The following FHDC1 variants were observed in gnomAD, a reference collection of about 807,000 sequenced individuals.
The protein encoded by FHDC1 is FH2 domain-containing protein 1.
FHDC1 carries 25 observed loss-of-function variants against 52.6 expected under a neutral mutation model. The ratio of observed to expected loss-of-function variants is 0.48; its 90% CI spans 0.35 to 0.66. The LOEUF (loss-of-function observed/expected upper bound fraction) is 0.66. Ranked by LOEUF, FHDC1 falls within the 30% of genes least tolerant of loss-of-function variation. The pLI is 0.01. For missense variants in FHDC1, 1,459 were observed against 1,452.8 expected (o/e 1.00, Z -0.07); for synonymous variants, 616 against 581.5 (o/e 1.06, Z -0.85).
chr4:152,924,659 A>G, the FHDC1 span, among the ~76,000 whole-genome samples: 1 of 152,268 alleles, frequency 6.6e-6, no homozygotes, highest in East Asian at 1.9e-4. Flanking sequence ...GCACATATAC[A>G]CCATGGAATA....
intron 2 of FHDC1, among the ~76,000 whole-genome samples, chr4:152,949,112 T>TAAGAAGAAGAAGAAG (rs1301987979): frequency 1.4e-4 from 11 of 79,974 alleles, no homozygotes; most frequent in Non-Finnish European, 1.7e-4. Flanking sequence ...ATAATAATAA[T>TAAGAAGAAGAAGAAG]AATAATAATA....
chr4:152,919,936 G>A, the FHDC1 span, among the ~76,000 whole-genome samples: 1 of 146,990 alleles, frequency 6.8e-6, no homozygotes, highest in Non-Finnish European at 1.5e-5. Flanking sequence ...AATTCTGGTA[G>A]GGAAGTTCTT....
At chr4:152,944,160 T>G (rs553592476) in intron 2 of FHDC1, among the ~76,000 whole-genome samples, 71 of 152,244 alleles carry the variant, frequency 4.7e-4, no homozygotes, top group African/African-American at 1.6e-3. Context: ...AGGAAGGATG[T>G]TTCTAGTTAA....
intron 6 of FHDC1, among the ~76,000 whole-genome samples, chr4:152,962,311 G>T (rs1740303473): frequency 6.6e-6 from 1 of 152,134 alleles, no homozygotes; most frequent in Non-Finnish European, 1.5e-5. Flanking sequence ...TTTGTGCTTT[G>T]CAAGTTATTT....
chr4:152,931,327 A>AC (rs1342055531), upstream of FHDC1, among the ~76,000 whole-genome samples: 4 of 152,072 alleles, frequency 2.6e-5, no homozygotes, highest in African/African-American at 9.7e-5. Context: ...ACAAACACCA[A>AC]CCAGTTTTCT....
chr4:152,940,485 C>T (rs1425173258), intron 1 of FHDC1, among the ~76,000 whole-genome samples: 1 of 152,346 alleles, frequency 6.6e-6, no homozygotes, highest in South Asian at 2.1e-4. Flanking sequence ...AAGCACAGTA[C>T]TAAAACACGC....
the FHDC1 span, among the ~76,000 whole-genome samples, chr4:152,912,742 GCT>G: frequency 6.6e-6 from 1 of 152,138 alleles, no homozygotes; most frequent in Non-Finnish European, 1.5e-5. Flanking sequence ...AAAATGGCTG[GCT>G]TTTCTGTCAT....
rs148486863 is a variant in FHDC1 at position 152,943,251 on chromosome 4, C to T, written c.194C>T (p.Pro65Leu). 1 of 1,607,940 alleles carries T rather than the reference C, an allele frequency of 6.2e-7. No individual in the cohort carries two copies. Among genetic ancestry groups the T allele is most frequent in the African/African-American group, 1.3e-5 (1 of 74,534 alleles). ...TCCCCTCCTCCACCCCCACCACCTC[C>T]ACTTCCTGGGGAGCCTCCCATCCCA... ...PSSPPPPPPP[P>L]LPGEPPIPPP... Residue 65 changes from proline (P) to leucine (L), a missense_variant, in exon 2 of 12, where the codon CCA becomes CTA. By Grantham distance (98) the Pro-to-Leu change is moderately conservative (BLOSUM62 -3). Coordinates refer to ENST00000511601, the MANE Select transcript of FHDC1 (RefSeq NM_001371116.1).
intron 6 of FHDC1, 47 bp downstream of exon 6, chr4:152,960,891 G>T (rs775916311): frequency 1.4e-6 from 2 of 1,411,346 alleles, no homozygotes; most frequent in Non-Finnish European, 1.9e-6. Context: ...TATTAATTTC[G>T]ATAGCAGTTT....
intron 2 of FHDC1, among the ~76,000 whole-genome samples, chr4:152,947,504 C>T (rs1272320130): frequency 6.6e-6 from 1 of 152,176 alleles, no homozygotes; most frequent in Non-Finnish European, 1.5e-5. Context: ...CCCCTGGGAG[C>T]CTTCCACCAG....
At position 152,943,301 on chromosome 4, in the gene FHDC1, A is replaced by G. The variant is rs144176564; in HGVS notation, c.244A>G (p.Thr82Ala). The change falls in exon 2 of 12, where the codon ACT (threonine) becomes GCT (alanine). Residue 82 changes from threonine (T) to alanine (A), a missense_variant. Physicochemically the swap from Thr to Ala is moderately conservative, Grantham distance 58. Around this residue, in one of 3 missense-constraint regions of FHDC1, gnomAD observed 513 missense variants for 581.5 expected, o/e 0.88. Transcript: ENST00000511601. ...IPPPPPGLPP[T>A]THMNGYSHLG... ...ACCTCCCCCACCAGGCCTACCCCCAACTACTCACATGAACGGCTACAGCCA... is the reference window on the plus strand; with the variant it reads ...ACCTCCCCCACCAGGCCTACCCCCAGCTACTCACATGAACGGCTACAGCCA... The G allele has an allele frequency of 2.6e-4, 348 of 1,339,414 alleles. 1 individual carries two copies. In the African/African-American group the frequency reaches 4.6e-3, roughly 18 times the overall value. The allele number at this position is 1,339,414 out of a possible 1,614,324, so 83.0% of individuals were successfully genotyped here.
In FHDC1 at chr4:152,967,943, T is replaced by C. The variant is rs79816029; in HGVS notation, c.1101-37T>C. ...TATACCTACATGACACATGGCTTCC[T>C]TGTTCCAACTGCCCACTCTCCCCTT... On this transcript the variant is annotated intron_variant, in intron 9 of 11. Transcript: ENST00000511601. The C allele has an allele frequency of 0.012, 17,485 of 1,518,866 alleles. 1,026 individuals are homozygous for C. In the East Asian group the frequency reaches 0.19, roughly 17 times the overall value. The allele number at this position is 1,518,866 out of a possible 1,614,324, so 94.1% of individuals were successfully genotyped here. A position where few individuals can be genotyped will look rare whatever the true frequency, so the allele number is the denominator to read the frequency against.
rs749272268 is a variant in FHDC1, at chr4:152,968,083, G to A, written c.1204G>A (p.Glu402Lys). ...QRDGELCQQM[E>K]DFLQFAIEKL... ...GGATGGTGAACTTTGTCAGCAGATG[G>A]AAGATTTTCTTCAGGTTTGTAGGTG... Residue 402 changes from glutamate (E) to lysine (K), a missense_variant, in exon 10 of 12, where the codon GAA becomes AAA. Coordinates refer to ENST00000511601, the MANE Select transcript of FHDC1 (RefSeq NM_001371116.1). The A allele has an allele frequency of 6.8e-6, 11 of 1,613,150 alleles. No homozygotes were observed. Among genetic ancestry groups the A allele is most frequent in the Middle Eastern group, 1.6e-4 (1 of 6,082 alleles).
intron 10 of FHDC1, among the ~76,000 whole-genome samples, chr4:152,971,665 G>A (rs879783094): frequency 2.6e-5 from 4 of 152,220 alleles, no homozygotes; most frequent in African/African-American, 7.2e-5. Flanking sequence ...CAAAGAGGGT[G>A]GTTTTGTAAA....
At chr4:152,972,292 T>C in intron 10 of FHDC1, 85 bp from the exon 11 acceptor site, 1 of 1,375,084 alleles carries the variant, frequency 7.3e-7, no homozygotes, top group Non-Finnish European at 9.8e-7. Context: ...CCAGAGCACG[T>C]CTTCTCTGGG....
At chr4:152,963,978 C>T (rs938289687) in intron 8 of FHDC1, among the ~76,000 whole-genome samples, 21 of 151,830 alleles carry the variant, frequency 1.4e-4, no homozygotes, top group African/African-American at 4.8e-4. Context: ...GGGAGGAAGC[C>T]GTGGTGCAGT....
At chr4:152,924,205 G>A in the FHDC1 span, among the ~76,000 whole-genome samples, 2 of 152,062 alleles carry the variant, frequency 1.3e-5, no homozygotes, top group Non-Finnish European at 2.9e-5. Context: ...CCAAGGACAT[G>A]AACAGACACT....
rs371561253 is a variant in FHDC1, at chr4:152,975,164, G to A, written c.1873G>A (p.Ala625Thr). ...PSAQAHQLAA[A>T]QPENHASAFP... ...AGCACAGGCGCACCAGCTTGCAGCC[G>A]CCCAGCCTGAGAACCATGCCTCTGC... The change falls in exon 12 of 12, where the codon GCC becomes ACC. Residue 625 changes from alanine to threonine, a missense_variant. Transcript: ENST00000511601. 108 of 1,612,982 alleles carry A rather than the reference G, an allele frequency of 6.7e-5. No homozygotes were observed. In the South Asian group the frequency reaches 6.8e-4, roughly 10 times the overall value.
rs34181980 is a variant in FHDC1 at position 152,962,940 on chromosome 4, G to GGTGTGTGTGTGT, written c.922-52_922-41dup. On this transcript the variant is annotated intron_variant, in intron 7 of 11. Coordinates refer to ENST00000511601, the MANE Select transcript of FHDC1 (RefSeq NM_001371116.1). ...ATGTTTTCAACCTTGTCTATCTAAA[G>GGTGTGTGTGTGT]GTGTGTGTGTGTGTGTGTGTGTGTG... The GGTGTGTGTGTGT allele has an allele frequency of 4.0e-4, 372 of 936,346 alleles. 2 individuals are homozygous for GGTGTGTGTGTGT. Among genetic ancestry groups the GGTGTGTGTGTGT allele is most frequent in the African/African-American group, 1.9e-3 (111 of 57,194 alleles). 58.0% of individuals were successfully genotyped at this position (936,346 alleles called of 1,614,324 possible). A position where few individuals can be genotyped will look rare whatever the true frequency, so the allele number is the denominator to read the frequency against.
Sources: allele counts gnomAD v4.1 joint callset (sites outside exome capture counted in the v4.1 genomes callset), GRCh38; gene constraint gnomAD v4.1.1; regional missense constraint gnomAD v4.1.1; transcripts MANE v1.5; gene names NCBI Gene and HGNC (gene_info 2026-07-23, HGNC 2026-07-21).